The following CEP112 variants were observed in gnomAD, a reference collection of about 807,000 sequenced individuals.
CEP112 encodes centrosomal protein of 112 kDa.
In CEP112, 127 loss-of-function variants were observed where a neutral mutation model predicts 153.0. The ratio of observed to expected loss-of-function variants is 0.83; its 90% CI spans 0.72 to 0.96. CEP112 has a LOEUF of 0.96. Ranked by LOEUF, CEP112 falls within the 40% of genes least tolerant of loss-of-function variation. The pLI, the probability that CEP112 is intolerant of heterozygous loss-of-function variation, is 0.00. For synonymous variants in CEP112, 358 were observed against 374.4 expected (o/e 0.96, Z 0.51); for missense variants, 1,089 against 1,101.2 (o/e 0.99, Z 0.16).
At chr17:66,062,510 C>G (rs182375731) in intron 11 of CEP112, among the ~76,000 whole-genome samples, 1 of 151,920 alleles carries the variant, frequency 6.6e-6, no homozygotes, top group East Asian at 1.9e-4. Context: ...TCACACTGTA[C>G]CCTAAAAAAT....
chr17:66,185,543 T>C (rs985725291), intron 1 of CEP112, among the ~76,000 whole-genome samples: 5 of 152,182 alleles, frequency 3.3e-5, no homozygotes, highest in Non-Finnish European at 7.3e-5. Flanking sequence ...TTTAATCCTT[T>C]TTAAAAACTG....
At chr17:65,936,847 G>T (rs559416618) in intron 18 of CEP112, among the ~76,000 whole-genome samples, 1 of 111,330 alleles carries the variant, frequency 9.0e-6, no homozygotes, top group African/African-American at 3.3e-5. Context: ...CTCTTTCCAC[G>T]GTCTCCCTCT....
At chr17:66,163,235 T>A (rs2071789145) in intron 4 of CEP112, among the ~76,000 whole-genome samples, 1 of 152,198 alleles carries the variant, frequency 6.6e-6, no homozygotes, top group African/African-American at 2.4e-5. Flanking sequence ...GCACTGTACA[T>A]GTTTTTTGCA....
chr17:65,648,686 T>G (rs2045570539), intron 24 of CEP112, among the ~76,000 whole-genome samples: 1 of 152,188 alleles, frequency 6.6e-6, no homozygotes, highest in Non-Finnish European at 1.5e-5. Flanking sequence ...AAAGGAGCCT[T>G]GAAAATCTAT....
intron 19 of CEP112, among the ~76,000 whole-genome samples, chr17:65,907,012 T>C (rs912832839): frequency 3.3e-5 from 5 of 152,202 alleles, no homozygotes; most frequent in Non-Finnish European, 7.3e-5. Flanking sequence ...CTCAGAAATA[T>C]TGGGAGAAGG....
At position 66,173,797 on chromosome 17, in the gene CEP112, C is replaced by T. The variant is rs547496911; in HGVS notation, c.470+1247G>A. 2.6e-5 allele frequency among the ~76,000 whole-genome samples: 4 copies of T among 152,314 alleles called. No individual in the cohort carries two copies. The East Asian group carries it at 7.7e-4, about 29-fold the overall frequency. On this transcript the variant is annotated intron_variant, in intron 4 of 26. Coordinates refer to ENST00000535342, the MANE Select transcript of CEP112 (RefSeq NM_001199165.4). ...TTTAACACCACACTTCCTACAGACT[C>T]ATCTATTCATTTCTTTTTACTCTTC...
At chr17:66,110,091 C>T (rs370248147) in intron 6 of CEP112, among the ~76,000 whole-genome samples, 19 of 152,144 alleles carry the variant, frequency 1.2e-4, no homozygotes, top group South Asian at 2.1e-4. Flanking sequence ...ACCCAGGAGG[C>T]GGAGCTTGCA....
chr17:66,013,990 T>C (rs1395012949), intron 16 of CEP112, among the ~76,000 whole-genome samples: 4 of 152,200 alleles, frequency 2.6e-5, no homozygotes. Flanking sequence ...CTGAGTGCTT[T>C]CACACCAGAA....
chr17:66,165,885 G>A (rs78575489), intron 4 of CEP112, among the ~76,000 whole-genome samples: 1 of 152,068 alleles, frequency 6.6e-6, no homozygotes, highest in Non-Finnish European at 1.5e-5. Context: ...TTTTCCATAA[G>A]GGCAGGACCA....
At chr17:65,885,941 T>TA (rs1300508457) in intron 20 of CEP112, among the ~76,000 whole-genome samples, 5 of 152,000 alleles carry the variant, frequency 3.3e-5, no homozygotes, top group East Asian at 1.9e-4. Context: ...TCTGTGCTGT[T>TA]AAAAAAAATA....
chr17:65,819,119 T>G (rs2056410397), intron 21 of CEP112, among the ~76,000 whole-genome samples: 1 of 151,960 alleles, frequency 6.6e-6, no homozygotes, highest in African/African-American at 2.4e-5. Flanking sequence ...GTGATGCTTT[T>G]TATAAATTGA....
intron 23 of CEP112, among the ~76,000 whole-genome samples, chr17:65,698,678 G>A (rs377607864): frequency 8.5e-5 from 13 of 152,090 alleles, no homozygotes; most frequent in African/African-American, 2.4e-4. Context: ...CCCCCGCTTC[G>A]TGGCTCTAAA....
At chr17:66,020,183 C>CA (rs1035483619) in intron 16 of CEP112, among the ~76,000 whole-genome samples, 1 of 152,050 alleles carries the variant, frequency 6.6e-6, no homozygotes, top group African/African-American at 2.4e-5. Flanking sequence ...GTGATCTGCC[C>CA]AAAGAATGAA....
At chr17:65,957,432 C>G (rs1181840691) in intron 18 of CEP112, among the ~76,000 whole-genome samples, 1 of 152,024 alleles carries the variant, frequency 6.6e-6, no homozygotes, top group Non-Finnish European at 1.5e-5. Context: ...GTACTCTTGC[C>G]TTTAGCATGC....
Position 66,177,091 on chromosome 17 carries a change from A to G in CEP112, c.107-71T>C, listed in dbSNP as rs144076385. The G allele has an allele frequency of 2.9e-5, 35 of 1,211,966 alleles. No individual in the cohort carries two copies. The East Asian group carries it at 7.9e-4, about 27-fold the overall frequency. 75.1% of individuals were successfully genotyped at this position (1,211,966 alleles called of 1,614,324 possible). ...GAAACATTCAATTACAAAGACCTAT[A>G]ATAGCACCTGCTTTAGTCTAAAAGA... On this transcript the variant is annotated intron_variant, in intron 2 of 26. Transcript: ENST00000535342.
intron 8 of CEP112, among the ~76,000 whole-genome samples, chr17:66,078,453 T>C (rs746961466): frequency 3.9e-5 from 6 of 151,960 alleles, no homozygotes; most frequent in Non-Finnish European, 7.4e-5. Flanking sequence ...AGACGGGGTT[T>C]CATCAGATTG....
intron 24 of CEP112, 48 bp downstream of exon 24, chr17:65,689,081 G>C: frequency 7.3e-7 from 1 of 1,367,032 alleles, no homozygotes; most frequent in Non-Finnish European, 1.0e-6. Context: ...CACACTTCTT[G>C]ACCTAGAGAA....
chr17:65,891,810 A>G (rs1230382329), intron 20 of CEP112, among the ~76,000 whole-genome samples: 5 of 152,044 alleles, frequency 3.3e-5, no homozygotes, highest in South Asian at 2.1e-4. Context: ...AGAACACACA[A>G]AACTTATTTT....
intron 12 of CEP112, among the ~76,000 whole-genome samples, chr17:66,048,737 G>A (rs1007544409): frequency 2.6e-5 from 4 of 152,212 alleles, no homozygotes; most frequent in Non-Finnish European, 5.9e-5. Flanking sequence ...AGCCTTCTGA[G>A]TAGCTGGGAT....
Sources: gnomAD v4.1 joint callset for allele counts (sites outside exome capture counted in the v4.1 genomes callset) on GRCh38, gnomAD v4.1.1 for gene constraint, MANE v1.5 for transcripts, NCBI Gene and HGNC (gene_info 2026-07-23, HGNC 2026-07-21) for gene names.